Variants in KCNQ5 observed in about 807,000 individuals in gnomAD.
The protein encoded by KCNQ5 is potassium voltage-gated channel subfamily Q member 5.
In KCNQ5, 30 loss-of-function variants were observed where a neutral mutation model predicts 98.2. The observed-to-expected ratio is 0.31, with a 90% CI of 0.23 to 0.41. The LOEUF (loss-of-function observed/expected upper bound fraction) is 0.41, where lower values mean the gene tolerates loss of function less well. Among genes scored for constraint, KCNQ5 ranks in the 10% least tolerant of loss-of-function variants. The pLI is 1.00. For missense variants in KCNQ5, 835 were observed against 1,182.5 expected (o/e 0.71, Z 4.31); for synonymous variants, 458 against 449.4 (o/e 1.02, Z -0.24).
At chr6:73,189,335 A>C (rs1029387101) in intron 11 of KCNQ5, among the ~76,000 whole-genome samples, 1 of 152,250 alleles carries the variant, frequency 6.6e-6, no homozygotes, top group South Asian at 2.1e-4. Flanking sequence ...GGGAGTAAGA[A>C]TATTACAGAT....
intron 1 of KCNQ5, among the ~76,000 whole-genome samples, chr6:72,782,951 AAAG>A (rs1582280394): frequency 6.6e-6 from 1 of 152,200 alleles, no homozygotes; most frequent in African/African-American, 2.4e-5. Flanking sequence ...GAATTCAGAG[AAAG>A]AAGGAGTAGT....
chr6:72,740,934 A>AGTT (rs1355285238), intron 1 of KCNQ5, among the ~76,000 whole-genome samples: 1 of 152,106 alleles, frequency 6.6e-6, no homozygotes, highest in Admixed American at 6.6e-5. Flanking sequence ...AATTGTTCTG[A>AGTT]GTTGTTCACT....
intron 1 of KCNQ5, among the ~76,000 whole-genome samples, chr6:72,921,055 G>A (rs1402800528): frequency 2.0e-5 from 3 of 152,112 alleles, no homozygotes; most frequent in Admixed American, 6.6e-5. Flanking sequence ...CTGCCAGAAA[G>A]GGGCTTATTG....
chr6:72,646,068 G>T (rs1370999191), intron 1 of KCNQ5, among the ~76,000 whole-genome samples: 2 of 151,922 alleles, frequency 1.3e-5, no homozygotes, highest in Admixed American at 6.6e-5. Flanking sequence ...AATTATAGAT[G>T]GAATACATTC....
At chr6:72,855,711 G>A (rs1443148907) in intron 1 of KCNQ5, among the ~76,000 whole-genome samples, 2 of 152,190 alleles carry the variant, frequency 1.3e-5, no homozygotes, top group Admixed American at 6.6e-5. Flanking sequence ...AATGGTCTAT[G>A]AGTCAGAAGC....
chr6:72,694,016 T>A (rs1197898277), intron 1 of KCNQ5, among the ~76,000 whole-genome samples: 2 of 152,208 alleles, frequency 1.3e-5, no homozygotes, highest in Non-Finnish European at 2.9e-5. Context: ...TTTTTTCCTA[T>A]GGGCCATTAC....
chr6:72,869,005 A>G (rs1049522959), intron 1 of KCNQ5, among the ~76,000 whole-genome samples: 2 of 152,196 alleles, frequency 1.3e-5, no homozygotes, highest in Non-Finnish European at 2.9e-5. Flanking sequence ...TCCTAACACA[A>G]AGAAATGATA....
chr6:72,927,522 A>G (rs879582119), intron 1 of KCNQ5, among the ~76,000 whole-genome samples: 1 of 152,112 alleles, frequency 6.6e-6, no homozygotes, highest in Non-Finnish European at 1.5e-5. Flanking sequence ...CAAACACAAT[A>G]AGAATTTTAA....
chr6:73,094,059 G>C lies in KCNQ5; in HGVS notation c.919-11198G>C, dbSNP rs140734054. On this transcript the variant is annotated intron_variant, in intron 5 of 13. Transcript: ENST00000370398. ...CCTGTCTCATTTCTAAGGTCTGTTA[G>C]TAATTGTTTTATAAATTTGATAGTT... Among the ~76,000 whole-genome samples, 570 of 152,202 alleles carry C rather than the reference G, an allele frequency of 3.7e-3. 1 individual carries two copies. Among genetic ancestry groups the C allele is most frequent in the African/African-American group, 0.013 (534 of 41,536 alleles).
chr6:72,775,610 C>T (rs1773122697), intron 1 of KCNQ5, among the ~76,000 whole-genome samples: 1 of 152,186 alleles, frequency 6.6e-6, no homozygotes, highest in Non-Finnish European at 1.5e-5. Context: ...AGAAGGCTGG[C>T]AAACGTTACC....
chr6:72,790,524 TCTTCAC>T (rs1463641445), intron 1 of KCNQ5, among the ~76,000 whole-genome samples: 2 of 152,182 alleles, frequency 1.3e-5, no homozygotes, highest in Non-Finnish European at 2.9e-5. Context: ...TGGGTGCGGT[TCTTCAC>T]AGAGAAGTGG....
Position 73,193,464 on chromosome 6 carries a change from AAAAATAAAATAAAATAAAAT to A in KCNQ5, c.1836+800_1836+819del, listed in dbSNP as rs397976608. ...AACATGGTGAAACCCTGTCTCTACT[AAAAATAAAATAAAATAAAAT>A]AAAATAAAATAAAATAAAATAAAAT... On this transcript the variant is annotated intron_variant, in intron 13 of 13. Coordinates refer to ENST00000370398, the MANE Select transcript of KCNQ5 (RefSeq NM_019842.4). Among the ~76,000 whole-genome samples the A allele has an allele frequency of 4.7e-5, 6 of 126,734 alleles. No individual in the cohort carries two copies. In the East Asian group the frequency reaches 6.9e-4, roughly 15 times the overall value. The allele number at this position is 126,734 out of a possible 152,430, so 83.1% of individuals were successfully genotyped here. A position where few individuals can be genotyped will look rare whatever the true frequency, so the allele number is the denominator to read the frequency against.
chr6:72,684,049 A>C (rs73535768), intron 1 of KCNQ5, among the ~76,000 whole-genome samples: 5,824 of 152,278 alleles, frequency 0.038, 128 homozygotes, highest in Middle Eastern at 0.13. Context: ...TTCAAAACCT[A>C]CAAGAAAACT....
intron 1 of KCNQ5, among the ~76,000 whole-genome samples, chr6:72,682,054 A>G (rs1172216063): frequency 1.3e-5 from 2 of 152,148 alleles, no homozygotes; most frequent in Non-Finnish European, 2.9e-5. Flanking sequence ...ATGTGGAGAA[A>G]AGAGCCTCAG....
chr6:73,161,757 T>C (rs999098402), intron 10 of KCNQ5, among the ~76,000 whole-genome samples: 5 of 152,330 alleles, frequency 3.3e-5, no homozygotes, highest in East Asian at 1.9e-4. Flanking sequence ...AATAGAAATA[T>C]GGTTTTTGGA....
intron 10 of KCNQ5, among the ~76,000 whole-genome samples, chr6:73,162,356 A>G (rs1405480404): frequency 6.6e-6 from 1 of 152,214 alleles, no homozygotes; most frequent in Non-Finnish European, 1.5e-5. Context: ...TTTCTCCCTA[A>G]TGCCAAGCAT....
intron 2 of KCNQ5, among the ~76,000 whole-genome samples, chr6:73,013,775 G>T (rs6453616): frequency 0.76 from 116,246 of 151,960 alleles, 46,602 homozygotes; most frequent in South Asian, 0.92. Context: ...AAATGCATTT[G>T]CCAGTACCCA....
chr6:72,954,917 G>A (rs372605637), intron 1 of KCNQ5, among the ~76,000 whole-genome samples: 1 of 152,176 alleles, frequency 6.6e-6, no homozygotes, highest in African/African-American at 2.4e-5. Context: ...CAGCTCACAC[G>A]GTTCACCAGT....
At chr6:72,857,136 AG>A (rs1435717447) in intron 1 of KCNQ5, among the ~76,000 whole-genome samples, 3 of 152,238 alleles carry the variant, frequency 2.0e-5, no homozygotes, top group African/African-American at 7.2e-5. Context: ...CTTTCCCAAC[AG>A]AAAGATATAT....
Sources: allele counts gnomAD v4.1 joint callset (sites outside exome capture counted in the v4.1 genomes callset), GRCh38; gene constraint gnomAD v4.1.1; transcripts MANE v1.5; gene names NCBI Gene and HGNC (gene_info 2026-07-23, HGNC 2026-07-21).